The following AGBL4 variants were observed in gnomAD, a reference collection of about 807,000 sequenced individuals.
AGBL4 encodes cytosolic carboxypeptidase 6.
A neutral mutation model predicts 66.4 loss-of-function variants in AGBL4; 58 were observed. The observed-to-expected ratio is 0.87, with a 90% CI of 0.71 to 1.09. The LOEUF (loss-of-function observed/expected upper bound fraction) is 1.09, where lower values mean the gene tolerates loss of function less well. AGBL4 is among the 50% of genes least tolerant of loss of function. AGBL4 has a pLI of 0.00. For missense variants in AGBL4, 579 were observed against 631.0 expected (o/e 0.92, Z 0.88); for synonymous variants, 234 against 222.9 (o/e 1.05, Z -0.44).
At chr1:49,978,433 G>A (rs912003399) in intron 1 of AGBL4, among the ~76,000 whole-genome samples, 1 of 152,126 alleles carries the variant, frequency 6.6e-6, no homozygotes, top group Non-Finnish European at 1.5e-5. Context: ...AACAGAGAGA[G>A]ACCCTATCAC....
intron 3 of AGBL4, among the ~76,000 whole-genome samples, chr1:49,635,856 C>G (rs1417888336): frequency 6.6e-6 from 1 of 152,082 alleles, no homozygotes; most frequent in African/African-American, 2.4e-5. Flanking sequence ...ATTCCATGAC[C>G]CAGCAATTTT....
intron 3 of AGBL4, among the ~76,000 whole-genome samples, chr1:49,442,933 C>A (rs1406582359): frequency 6.6e-6 from 1 of 152,132 alleles, no homozygotes; most frequent in Non-Finnish European, 1.5e-5. Flanking sequence ...TGAATGCTCA[C>A]CAACATCTGT....
At chr1:48,756,741 T>C (rs1480856902) in intron 6 of AGBL4, among the ~76,000 whole-genome samples, 4 of 152,224 alleles carry the variant, frequency 2.6e-5, no homozygotes, top group Non-Finnish European at 5.9e-5. Flanking sequence ...TGTTAATCAA[T>C]AGACTTTTAA....
intron 1 of AGBL4, among the ~76,000 whole-genome samples, chr1:49,854,634 T>A (rs1418409405): frequency 1.3e-5 from 2 of 151,924 alleles, no homozygotes; most frequent in East Asian, 1.9e-4. Context: ...CACCTCCACA[T>A]CCCTGGAGCC....
At chr1:49,541,397 G>T (rs1263450164) in intron 3 of AGBL4, among the ~76,000 whole-genome samples, 1 of 152,150 alleles carries the variant, frequency 6.6e-6, no homozygotes, top group Non-Finnish European at 1.5e-5. Flanking sequence ...GTTCCAGGTG[G>T]GCATGGGCTC....
At chr1:49,489,313 G>T (rs1436949298) in intron 3 of AGBL4, among the ~76,000 whole-genome samples, 2 of 151,788 alleles carry the variant, frequency 1.3e-5, no homozygotes, top group African/African-American at 4.8e-5. Context: ...ACACCTGTTT[G>T]CCATTTATAT....
At chr1:49,871,515 A>G (rs1216628614) in intron 1 of AGBL4, among the ~76,000 whole-genome samples, 1 of 152,110 alleles carries the variant, frequency 6.6e-6, no homozygotes, top group Non-Finnish European at 1.5e-5. Context: ...GTATTTCACA[A>G]ACTTTCCAAA....
At chr1:49,983,691 T>C (rs1303761672) in intron 1 of AGBL4, among the ~76,000 whole-genome samples, 1 of 152,278 alleles carries the variant, frequency 6.6e-6, no homozygotes, top group African/African-American at 2.4e-5. Context: ...GTACTTTGAA[T>C]ACATCTACTT....
intron 3 of AGBL4, among the ~76,000 whole-genome samples, chr1:49,537,892 A>G (rs1204057465): frequency 1.3e-5 from 2 of 151,482 alleles, no homozygotes; most frequent in African/African-American, 2.4e-5. Context: ...GCGCCACTGC[A>G]CTCCAGCCTG....
chr1:49,711,101 C>T (rs1375423920), intron 2 of AGBL4, among the ~76,000 whole-genome samples: 1 of 151,990 alleles, frequency 6.6e-6, no homozygotes, highest in Non-Finnish European at 1.5e-5. Context: ...CCCCACCAAG[C>T]GATAACAAGG....
At chr1:48,939,517 C>T (rs1655773529) in intron 5 of AGBL4, among the ~76,000 whole-genome samples, 1 of 152,182 alleles carries the variant, frequency 6.6e-6, no homozygotes, top group Non-Finnish European at 1.5e-5. Context: ...AGAAAGGGGC[C>T]TCCAGGAGGG....
chr1:48,930,747 T>C (rs1163720873), intron 5 of AGBL4, among the ~76,000 whole-genome samples: 1 of 152,206 alleles, frequency 6.6e-6, no homozygotes, highest in Non-Finnish European at 1.5e-5. Context: ...ACTACCATTT[T>C]TTAATCTAAC....
At chr1:49,328,861 G>T (rs897261234) in intron 3 of AGBL4, among the ~76,000 whole-genome samples, 1 of 152,154 alleles carries the variant, frequency 6.6e-6, no homozygotes, top group African/African-American at 2.4e-5. Context: ...GGCATGCAGT[G>T]CCCTCTATCC....
chr1:49,950,607 AAAAC>A (rs1177742966), intron 1 of AGBL4, among the ~76,000 whole-genome samples: 3 of 151,844 alleles, frequency 2.0e-5, no homozygotes, highest in Admixed American at 6.6e-5. Context: ...TTTGAAAAGA[AAAAC>A]AAAGTAATTT....
In AGBL4 at chr1:48,736,577, C is replaced by T; in HGVS notation, c.635-73336G>A. The stretch of plus-strand genomic sequence containing the variant: ...ATTCATGTCATAAATATGAAATTAA[C>T]TCTCTTTAAGGGTAATCGTAATAGC... On this transcript the variant is annotated intron_variant, in intron 6 of 13. Coordinates refer to ENST00000371839, the MANE Select transcript of AGBL4 (RefSeq NM_032785.4). The surrounding 1 kb of genome is among the most constrained non-coding windows in gnomAD (Gnocchi z 4.0). 1.2e-6 allele frequency: 1 copy of T among 810,350 alleles called. No individual in the cohort carries two copies. The highest frequency in any genetic ancestry group is 2.0e-6 in the Non-Finnish European group (1 of 505,962). The allele number at this position is 810,350 out of a possible 1,614,324, so 50.2% of individuals were successfully genotyped here. A position where few individuals can be genotyped will look rare whatever the true frequency, so the allele number is the denominator to read the frequency against.
chr1:49,246,703 G>A (rs1329758328), intron 3 of AGBL4, among the ~76,000 whole-genome samples: 1 of 151,862 alleles, frequency 6.6e-6, no homozygotes, highest in Non-Finnish European at 1.5e-5. Flanking sequence ...GATTGTGAAA[G>A]AGAAGAGAAA....
At chr1:49,333,049 C>T (rs1645365422) in intron 3 of AGBL4, among the ~76,000 whole-genome samples, 1 of 152,062 alleles carries the variant, frequency 6.6e-6, no homozygotes, top group Non-Finnish European at 1.5e-5. Context: ...TGTTTTTTGG[C>T]TGCATAAATG....
chr1:48,889,781 A>G (rs1440701932), intron 5 of AGBL4, among the ~76,000 whole-genome samples: 2 of 152,200 alleles, frequency 1.3e-5, no homozygotes, highest in Non-Finnish European at 2.9e-5. Flanking sequence ...CCAGATTCAG[A>G]GCACAGTTGA....
At chr1:48,623,246 T>C (rs1406485080) in intron 9 of AGBL4, among the ~76,000 whole-genome samples, 1 of 152,238 alleles carries the variant, frequency 6.6e-6, no homozygotes, top group East Asian at 1.9e-4. Context: ...AGATTATCTA[T>C]ACACTTTAGT....
Sources: gnomAD v4.1 joint callset for allele counts (sites outside exome capture counted in the v4.1 genomes callset) on GRCh38, gnomAD v4.1.1 for gene constraint, Gnocchi (gnomAD v3.1) non-coding constraint, MANE v1.5 for transcripts, NCBI Gene and HGNC (gene_info 2026-07-23, HGNC 2026-07-21) for gene names.